Variants in PLD1 observed in about 807,000 individuals in gnomAD.
PLD1 encodes the protein phospholipase D1, also known as choline phosphatase 1.
In PLD1, 112 loss-of-function variants were observed where a neutral mutation model predicts 137.1. The observed-to-expected ratio is 0.82, with a 90% confidence interval of 0.70 to 0.96. PLD1 has a LOEUF of 0.96. Ranked by LOEUF, PLD1 falls within the 40% of genes least tolerant of loss-of-function variation. The pLI is 0.00. For synonymous variants in PLD1, 431 were observed against 454.7 expected (o/e 0.95, Z 0.66); for missense variants, 1,321 against 1,342.0 (o/e 0.98, Z 0.24).
chr3:171,696,811 A>G (rs1171203604), intron 12 of PLD1, among the ~76,000 whole-genome samples: 3 of 152,236 alleles, frequency 2.0e-5, no homozygotes, highest in East Asian at 1.9e-4. Context: ...TCAATCTTTA[A>G]TTGTATTACT....
At chr3:171,658,172 A>G (rs1041416582) in intron 21 of PLD1, among the ~76,000 whole-genome samples, 20 of 152,140 alleles carry the variant, frequency 1.3e-4, no homozygotes, top group Admixed American at 1.2e-3. Context: ...AGAGATAATA[A>G]TAAGTATTGG....
At chr3:171,705,048 C>T (rs991415296) in intron 11 of PLD1, among the ~76,000 whole-genome samples, 4 of 152,184 alleles carry the variant, frequency 2.6e-5, no homozygotes, top group Admixed American at 1.3e-4. Context: ...CTACCTCCCC[C>T]GACAAGCTCT....
At chr3:171,743,264 G>C (rs1258117683) in intron 1 of PLD1, among the ~76,000 whole-genome samples, 5 of 152,090 alleles carry the variant, frequency 3.3e-5, no homozygotes, top group Non-Finnish European at 7.4e-5. Context: ...AATAATCTTA[G>C]GAGAGTTTAT....
At chr3:171,669,155 C>T (rs559942604) in intron 19 of PLD1, among the ~76,000 whole-genome samples, 214 of 152,344 alleles carry the variant, frequency 1.4e-3, no homozygotes, top group African/African-American at 5.0e-3. Flanking sequence ...TAGCTCCCCT[C>T]TCCCTGGCTG....
intron 1 of PLD1, among the ~76,000 whole-genome samples, chr3:171,756,874 C>A (rs552972604): frequency 2.0e-5 from 3 of 152,304 alleles, no homozygotes; most frequent in Admixed American, 2.0e-4. Context: ...CACTAAAAAT[C>A]TTGAATTGTT....
intron 23 of PLD1, among the ~76,000 whole-genome samples, chr3:171,627,051 G>C (rs1441856926): frequency 1.3e-5 from 2 of 152,036 alleles, no homozygotes; most frequent in Non-Finnish European, 2.9e-5. Flanking sequence ...CCAATTAAAA[G>C]ACACAGACTG....
intron 8 of PLD1, among the ~76,000 whole-genome samples, chr3:171,714,252 A>G (rs1717503039): frequency 6.6e-6 from 1 of 152,228 alleles, no homozygotes; most frequent in African/African-American, 2.4e-5. Context: ...TCTAAGAAAC[A>G]GTGTACCAAG....
intron 1 of PLD1, among the ~76,000 whole-genome samples, chr3:171,803,702 C>G (rs1723737675): frequency 6.6e-6 from 1 of 152,194 alleles, no homozygotes; most frequent in African/African-American, 2.4e-5. Flanking sequence ...CATTGCACTC[C>G]TGCCTGGACA....
intron 6 of PLD1, among the ~76,000 whole-genome samples, chr3:171,732,265 C>A (rs1015619987): frequency 6.6e-6 from 1 of 152,176 alleles, no homozygotes; most frequent in Non-Finnish European, 1.5e-5. Context: ...AGAAAAGAAA[C>A]CCCTGCCTCC....
At chr3:171,714,550 T>C (rs1717530655) in intron 8 of PLD1, among the ~76,000 whole-genome samples, 1 of 152,244 alleles carries the variant, frequency 6.6e-6, no homozygotes, top group Non-Finnish European at 1.5e-5. Flanking sequence ...TCTAGGCACT[T>C]CCACATTATG....
chr3:171,625,955 C>T (rs1734067440), intron 23 of PLD1, among the ~76,000 whole-genome samples: 1 of 152,192 alleles, frequency 6.6e-6, no homozygotes, highest in Admixed American at 6.5e-5. Flanking sequence ...CTCTCCTCCT[C>T]CAAAGGAATG....
intron 1 of PLD1, among the ~76,000 whole-genome samples, chr3:171,803,505 G>A (rs1578488575): frequency 2.0e-5 from 3 of 152,324 alleles, no homozygotes; most frequent in Admixed American, 2.0e-4. Context: ...GAAGGCCAAG[G>A]CAGGAGGATC....
intron 6 of PLD1, among the ~76,000 whole-genome samples, chr3:171,730,630 A>G (rs1718863104): frequency 6.8e-6 from 1 of 147,830 alleles, no homozygotes; most frequent in Non-Finnish European, 1.5e-5. Context: ...ACACCTTTAT[A>G]ATAAATCTAT....
At chr3:171,769,126 G>A (rs1310965072) in intron 1 of PLD1, among the ~76,000 whole-genome samples, 1 of 151,802 alleles carries the variant, frequency 6.6e-6, no homozygotes, top group African/African-American at 2.4e-5. Context: ...ATATTCTCTG[G>A]GAAAACCCTA....
At chr3:171,779,108 G>A (rs1364730554) in intron 1 of PLD1, among the ~76,000 whole-genome samples, 2 of 152,206 alleles carry the variant, frequency 1.3e-5, no homozygotes, top group Admixed American at 6.5e-5. Flanking sequence ...AGAATCGCTT[G>A]AACCCAGGAG....
At chr3:171,685,697 C>T (rs963843164) in intron 16 of PLD1, among the ~76,000 whole-genome samples, 7 of 152,312 alleles carry the variant, frequency 4.6e-5, no homozygotes, top group African/African-American at 1.4e-4. Context: ...TCTTTATTCC[C>T]ACCACAAGTT....
chr3:171,699,925 A>G, intron 11 of PLD1, 99 bp from the exon 12 acceptor site: 1 of 857,996 alleles, frequency 1.2e-6, no homozygotes, highest in East Asian at 2.4e-5. Flanking sequence ...ATTCAACCCC[A>G]TTATCATCCT....
intron 21 of PLD1, among the ~76,000 whole-genome samples, chr3:171,651,671 C>T (rs1210737535): frequency 6.6e-6 from 1 of 152,138 alleles, no homozygotes; most frequent in East Asian, 1.9e-4. Context: ...AGCTTTCAAA[C>T]ATAAGAATGC....
chr3:171,808,896 C>T (rs1198544469), intron 1 of PLD1, among the ~76,000 whole-genome samples: 2 of 141,742 alleles, frequency 1.4e-5, no homozygotes, highest in Non-Finnish European at 3.0e-5. Context: ...TCCATCTCGG[C>T]TCACTGCAAC....
Sources: gnomAD v4.1 joint callset for allele counts (sites outside exome capture counted in the v4.1 genomes callset) on GRCh38, gnomAD v4.1.1 for gene constraint, MANE v1.5 for transcripts, NCBI Gene and HGNC (gene_info 2026-07-23, HGNC 2026-07-21) for gene names.